The following LONP2 variants were observed in gnomAD, a reference collection of about 807,000 sequenced individuals.
LONP2 encodes lon protease homolog 2, peroxisomal.
In LONP2, 60 loss-of-function variants were observed where a neutral mutation model predicts 85.6. The ratio of observed to expected loss-of-function variants is 0.70; its 90% confidence interval spans 0.57 to 0.87. LONP2 has a LOEUF of 0.87. Ranked by LOEUF, LONP2 falls within the 40% of genes least tolerant of loss-of-function variation. The pLI, the probability that LONP2 is intolerant of heterozygous loss-of-function variation, is 0.00. For missense variants in LONP2, 860 were observed against 1,063.5 expected (o/e 0.81, Z 2.66); for synonymous variants, 395 against 389.7 (o/e 1.01, Z -0.16).
chr16:48,361,500 A>AG (rs1196732215), downstream of LONP2: 2 of 1,424,500 alleles, frequency 1.4e-6, no homozygotes, highest in East Asian at 4.6e-5. Flanking sequence ...AAAGAGTTTT[A>AG]GGTTGGCAGA....
At chr16:48,287,205 C>T (rs1219172054) in intron 8 of LONP2, among the ~76,000 whole-genome samples, 1 of 152,232 alleles carries the variant, frequency 6.6e-6, no homozygotes, top group African/African-American at 2.4e-5. Flanking sequence ...TTAGCCTTCA[C>T]TTCCTGCTTT....
chr16:48,258,868 C>A, intron 4 of LONP2, 128 bp downstream of exon 4: 2 of 840,548 alleles, frequency 2.4e-6, no homozygotes, highest in Non-Finnish European at 3.4e-6. Context: ...GTTTCCCTCT[C>A]ATCCTTTTCT....
Position 48,258,150 on chromosome 16 carries a change from A to G in LONP2, c.601-468A>G, listed in dbSNP as rs144051234. Among the ~76,000 whole-genome samples, 839 of 152,230 alleles carry G rather than the reference A, an allele frequency of 5.5e-3. 6 individuals carry two copies. The highest frequency in any genetic ancestry group is 0.019 in the African/African-American group (788 of 41,548). On this transcript the variant is annotated intron_variant, in intron 3 of 14. Coordinates refer to ENST00000285737, the MANE Select transcript of LONP2 (RefSeq NM_031490.5). ...ATCACGAGGTCAGGAGATCGAGACC[A>G]TCCTGGCTAACAGAGTGAAACCCTG...
intron 11 of LONP2, among the ~76,000 whole-genome samples, chr16:48,320,268 A>G (rs563675017): frequency 1.3e-5 from 2 of 152,086 alleles, no homozygotes; most frequent in East Asian, 3.9e-4. Context: ...GGTTGCACAG[A>G]TAGGGGTTAG....
intron 11 of LONP2, among the ~76,000 whole-genome samples, chr16:48,305,840 T>G (rs1279710350): frequency 6.6e-6 from 1 of 152,240 alleles, no homozygotes; most frequent in Non-Finnish European, 1.5e-5. Context: ...TCATTATTTT[T>G]GTTCTTGTGG....
In LONP2 at chr16:48,353,677, A is replaced by T. The variant is rs1185975604; in HGVS notation, c.*1875A>T. 6.6e-6 allele frequency: 1 copy of T among 152,110 alleles called. No individual in the cohort carries two copies. The highest frequency in any genetic ancestry group is 1.5e-5 in the Non-Finnish European group (1 of 68,042). 9.4% of individuals were successfully genotyped at this position (152,110 alleles called of 1,614,324 possible). ...TGCCATTGACTATCTTAACTACTGT[A>T]ATTTTATCATTTCCAACGTCATCTA... On this transcript the variant is annotated 3_prime_UTR_variant, in exon 15 of 15. Coordinates refer to ENST00000285737, the MANE Select transcript of LONP2 (RefSeq NM_031490.5).
chr16:48,334,540 G>A, intron 12 of LONP2, 182 bp downstream of exon 12: 7 of 743,862 alleles, frequency 9.4e-6, no homozygotes, highest in East Asian at 2.5e-5. Flanking sequence ...TGACTGCATG[G>A]GGGCGCAGGC....
chr16:48,284,872 T>C (rs1301025952), intron 8 of LONP2, among the ~76,000 whole-genome samples: 1 of 152,224 alleles, frequency 6.6e-6, no homozygotes, highest in Non-Finnish European at 1.5e-5. Context: ...TACTGCTTTA[T>C]GCCATTATCT....
intron 6 of LONP2, among the ~76,000 whole-genome samples, chr16:48,268,819 T>C (rs1011421731): frequency 1.3e-5 from 2 of 152,160 alleles, no homozygotes; most frequent in African/African-American, 4.8e-5. Context: ...TAGCTAGGTT[T>C]TTTGGGGGAC....
chr16:48,283,605 A>G (rs1175601086), intron 8 of LONP2, among the ~76,000 whole-genome samples: 1 of 152,196 alleles, frequency 6.6e-6, no homozygotes, highest in Non-Finnish European at 1.5e-5. Context: ...TAAGTACTTT[A>G]AGCCCACTGT....
intron 11 of LONP2, among the ~76,000 whole-genome samples, chr16:48,315,755 C>A (rs1373170725): frequency 6.6e-6 from 1 of 151,806 alleles, no homozygotes; most frequent in Non-Finnish European, 1.5e-5. Flanking sequence ...ATATTCTTCC[C>A]ATTTTTTTAC....
chr16:48,259,758 G>A (rs1971837523), intron 4 of LONP2, among the ~76,000 whole-genome samples: 1 of 152,186 alleles, frequency 6.6e-6, no homozygotes, highest in Admixed American at 6.5e-5. Context: ...AGGACACCAT[G>A]CTGTTTAAAA....
At chr16:48,275,964 A>G (rs968529305) in intron 7 of LONP2, among the ~76,000 whole-genome samples, 1 of 152,198 alleles carries the variant, frequency 6.6e-6, no homozygotes, top group Admixed American at 6.5e-5. Context: ...TTACTCATCA[A>G]AAAAGGAAAG....
At chr16:48,273,223 C>T (rs544004791) in intron 7 of LONP2, among the ~76,000 whole-genome samples, 1 of 152,290 alleles carries the variant, frequency 6.6e-6, no homozygotes, top group African/African-American at 2.4e-5. Flanking sequence ...CTCGATTTTG[C>T]CACTCACTCT....
intron 10 of LONP2, among the ~76,000 whole-genome samples, chr16:48,301,221 T>C (rs1972797332): frequency 6.6e-6 from 1 of 152,240 alleles, no homozygotes; most frequent in Non-Finnish European, 1.5e-5. Context: ...AATGTTCTAG[T>C]CTTTCTTATC....
At chr16:48,292,251 A>G (rs1369456299) in intron 8 of LONP2, among the ~76,000 whole-genome samples, 1 of 152,226 alleles carries the variant, frequency 6.6e-6, no homozygotes, top group Non-Finnish European at 1.5e-5. Flanking sequence ...GTATGTGTAA[A>G]GAATAAGCTA....
In LONP2 at chr16:48,300,188, C is replaced by T. The variant is rs1319461142; in HGVS notation, c.1661+400C>T. ...AGGATCTTGAAAGTTGTTGAATTCT[C>T]TTAAGAGGTGATATGCTACTTTCAG... On this transcript the variant is annotated intron_variant, in intron 10 of 14. Coordinates refer to ENST00000285737, the MANE Select transcript of LONP2 (RefSeq NM_031490.5). Among the ~76,000 whole-genome samples, 4 of 152,204 alleles carry T rather than the reference C, an allele frequency of 2.6e-5. No individual in the cohort carries two copies. The East Asian group carries it at 7.7e-4, about 29-fold the overall frequency.
rs571992001 is a variant in LONP2 at position 48,244,737 on chromosome 16, C to T, written c.233+116C>T. On this transcript the variant is annotated intron_variant, in intron 1 of 14. Coordinates refer to ENST00000285737, the MANE Select transcript of LONP2 (RefSeq NM_031490.5). ...TCAGTTCGGGGCGGCCTTCGCGGCT[C>T]GGTTCCGCCTCTCTGGTGCTATCAC... is the stretch of plus-strand genomic sequence containing the variant. The T allele has an allele frequency of 3.7e-4, 244 of 659,286 alleles. 3 individuals are homozygous for T. In the South Asian group the frequency reaches 8.4e-3, roughly 23 times the overall value. 40.8% of individuals were successfully genotyped at this position (659,286 alleles called of 1,614,324 possible).
intron 9 of LONP2, among the ~76,000 whole-genome samples, chr16:48,297,700 TTC>T (rs1187778473): frequency 2.6e-5 from 4 of 151,280 alleles, no homozygotes; most frequent in Admixed American, 6.6e-5. Flanking sequence ...ATAATTGGAT[TTC>T]TGTTTGTTTT....
Sources: gnomAD v4.1 joint callset for allele counts (sites outside exome capture counted in the v4.1 genomes callset) on GRCh38, gnomAD v4.1.1 for gene constraint, MANE v1.5 for transcripts, NCBI Gene and HGNC (gene_info 2026-07-23, HGNC 2026-07-21) for gene names.